Variants in PIEZO2 observed in about 807,000 individuals in gnomAD.
PIEZO2 encodes piezo type mechanosensitive ion channel component 2.
In PIEZO2, 172 loss-of-function variants were observed where a neutral mutation model predicts 337.3. The observed-to-expected ratio is 0.51, with a 90% CI of 0.45 to 0.58. The LOEUF (loss-of-function observed/expected upper bound fraction) is 0.58, where lower values mean the gene tolerates loss of function less well. Ranked by LOEUF, PIEZO2 falls within the 20% of genes least tolerant of loss-of-function variation. The probability of loss-of-function intolerance (pLI) is 0.00; values close to 1 mark genes in which losing one functional copy is unlikely to be tolerated. For synonymous variants in PIEZO2, 1,251 were observed against 1,228.5 expected (o/e 1.02, Z -0.38); for missense variants, 3,028 against 3,391.3 (o/e 0.89, Z 2.66).
intron 1 of PIEZO2, among the ~76,000 whole-genome samples, chr18:11,113,885 A>G (rs1450434241): frequency 1.3e-5 from 2 of 152,208 alleles, no homozygotes; most frequent in East Asian, 1.9e-4. Flanking sequence ...ATCCTTTCAG[A>G]TGTAATTTTT....
At chr18:11,063,273 G>A (rs1207590985) in intron 2 of PIEZO2, among the ~76,000 whole-genome samples, 13 of 129,098 alleles carry the variant, frequency 1.0e-4, no homozygotes, top group Non-Finnish European at 1.2e-4. Flanking sequence ...ACACACCGGG[G>A]CCTGTTGTGG....
chr18:10,707,994 G>A lies in PIEZO2; in HGVS notation c.5588+281C>T, dbSNP rs964674056. ...ATGCTTATGTCTCTGAAAATGGAAA[G>A]TTTGAAATACTGAAAACATGGAGGA... On this transcript the variant is annotated intron_variant, in intron 40 of 55. Transcript: ENST00000674853. The surrounding 1 kb of genome is among the most constrained non-coding windows in gnomAD (Gnocchi z 4.2). Among the ~76,000 whole-genome samples, 2 of 152,118 alleles carry A rather than the reference G, an allele frequency of 1.3e-5. No individual in the cohort carries two copies. Among genetic ancestry groups the A allele is most frequent in the Non-Finnish European group, 2.9e-5 (2 of 68,014 alleles).
chr18:11,135,794 C>A (rs1298047304), intron 1 of PIEZO2, among the ~76,000 whole-genome samples: 1 of 152,168 alleles, frequency 6.6e-6, no homozygotes, highest in Non-Finnish European at 1.5e-5. Context: ...GATCCGCCCA[C>A]CTAGGCCTGC....
rs1440989212 is a variant in PIEZO2 at position 10,833,148 on chromosome 18, A to G, written c.917+22205T>C. ...TGGCTTTTCCTGGCAGAGAGGCAGCAACACCCAAGGAACACAGTGGCAGGA... is the reference window on the plus strand; with the variant it reads ...TGGCTTTTCCTGGCAGAGAGGCAGCGACACCCAAGGAACACAGTGGCAGGA... On this transcript the variant is annotated intron_variant, in intron 7 of 55. Transcript: ENST00000674853. This position sits in a 1 kb window ranked among gnomAD's most constrained non-coding sequence, Gnocchi z 4.7. 6.6e-6 allele frequency among the ~76,000 whole-genome samples: 1 copy of G among 152,154 alleles called. No individual in the cohort carries two copies. The highest frequency in any genetic ancestry group is 1.5e-5 in the Non-Finnish European group (1 of 68,014).
intron 1 of PIEZO2, among the ~76,000 whole-genome samples, chr18:11,141,736 G>A (rs975108794): frequency 3.3e-5 from 5 of 152,156 alleles, no homozygotes; most frequent in East Asian, 1.9e-4. Flanking sequence ...AGGATGCTTG[G>A]TGTTGACCAA....
chr18:10,756,302 G>C (rs1425692452), intron 27 of PIEZO2, among the ~76,000 whole-genome samples: 1 of 151,618 alleles, frequency 6.6e-6, no homozygotes, highest in Non-Finnish European at 1.5e-5. Flanking sequence ...GGATGAGAAG[G>C]AGAAATGGAG....
At position 11,132,386 on chromosome 18, in the gene PIEZO2, C is replaced by G. The variant is rs528924676; in HGVS notation, c.64+16139G>C. ...TTCTGAAGCAGGTGGATTGATAGAA[C>G]GGTGGAATGGCCTTTTGAAGTCACA... On this transcript the variant is annotated intron_variant, in intron 1 of 55. Coordinates refer to ENST00000674853, the MANE Select transcript of PIEZO2 (RefSeq NM_001378183.1). This position sits in a 1 kb window ranked among gnomAD's most constrained non-coding sequence, Gnocchi z 4.7. Among the ~76,000 whole-genome samples, 1 of 152,048 alleles carries G rather than the reference C, an allele frequency of 6.6e-6. No individual in the cohort carries two copies. The highest frequency in any genetic ancestry group is 2.4e-5 in the African/African-American group (1 of 41,386).
rs141769258 is a variant in PIEZO2 at position 10,964,336 on chromosome 18, A to T, written c.286+15199T>A. On this transcript the variant is annotated intron_variant, in intron 3 of 55. Transcript: ENST00000674853. ...AGGGACAATGGATTATAATATTTTTAAAAACTCAATGTAGTAACAATTAAC... is the reference window on the plus strand; with the variant it reads ...AGGGACAATGGATTATAATATTTTTTAAAACTCAATGTAGTAACAATTAAC... Among the ~76,000 whole-genome samples, 328 of 152,316 alleles carry T rather than the reference A, an allele frequency of 2.2e-3. 1 individual carries two copies. Among genetic ancestry groups the T allele is most frequent in the African/African-American group, 7.4e-3 (307 of 41,580 alleles).
rs1223061025 is a variant in PIEZO2 at position 10,673,641 on chromosome 18, A to G, written c.8162-768T>C. 6.6e-6 allele frequency among the ~76,000 whole-genome samples: 1 copy of G among 152,220 alleles called. No homozygotes were observed. The highest frequency in any genetic ancestry group is 1.5e-5 in the Non-Finnish European group (1 of 68,038). Reference sequence around the variant, plus strand: ...GGTGAATGCAAAAGAGTTGTAAAAGATAGGGTAAAAAGCTTGTAGTGACAT... The same window carrying G: ...GGTGAATGCAAAAGAGTTGTAAAAGGTAGGGTAAAAAGCTTGTAGTGACAT... On this transcript the variant is annotated intron_variant, in intron 54 of 55. Transcript: ENST00000674853. This position sits in a 1 kb window ranked among gnomAD's most constrained non-coding sequence, Gnocchi z 4.8.
chr18:11,139,358 A>G (rs757249040), intron 1 of PIEZO2, among the ~76,000 whole-genome samples: 27 of 152,300 alleles, frequency 1.8e-4, no homozygotes, highest in East Asian at 7.7e-4. Flanking sequence ...CAAATAAAAG[A>G]AGGAGGAAGA....
intron 36 of PIEZO2, among the ~76,000 whole-genome samples, chr18:10,730,550 AT>A (rs59905139): frequency 1.3e-5 from 2 of 151,790 alleles, no homozygotes; most frequent in East Asian, 1.9e-4. Flanking sequence ...TTCGCTTTTG[AT>A]TTTTTTATTA....
At chr18:10,831,383 G>A (rs1020946792) in intron 7 of PIEZO2, among the ~76,000 whole-genome samples, 6 of 152,148 alleles carry the variant, frequency 3.9e-5, no homozygotes, top group African/African-American at 1.4e-4. Context: ...CAACATGGAT[G>A]GAACTGGAGG....
chr18:11,029,325 A>G (rs1436571693), intron 2 of PIEZO2, among the ~76,000 whole-genome samples: 1 of 152,056 alleles, frequency 6.6e-6, no homozygotes, highest in Non-Finnish European at 1.5e-5. Context: ...CTTTTCCTTA[A>G]TTTCTCCCAG....
At chr18:10,736,937 T>C (rs2037022172) in intron 33 of PIEZO2, among the ~76,000 whole-genome samples, 1 of 151,756 alleles carries the variant, frequency 6.6e-6, no homozygotes, top group Admixed American at 6.6e-5. Flanking sequence ...CTTTGCCATG[T>C]AAGAGAACTG....
Position 10,671,657 on chromosome 18 carries a change from A to G in PIEZO2, c.8468T>C (p.Leu2823Ser), listed in dbSNP as rs1209648569. The G allele has an allele frequency of 6.2e-7, 1 of 1,614,110 alleles. No homozygotes were observed. Among genetic ancestry groups the G allele is most frequent in the South Asian group, 1.1e-5 (1 of 91,086 alleles). The change falls in exon 56 of 56, where the codon TTG becomes TCG. Residue 2823 changes from leucine (L) to serine (S), a missense_variant. By Grantham distance (145) the Leu-to-Ser change is moderately radical. Transcript: ENST00000674853. ...ELPNVDRILK[L>S]CTDIFLVRET... Reference sequence around the variant, plus strand: ...TCGAACTAAAAAAATATCTGTGCACAACTTCAAAATTCGATCCACATTTGG... The same window carrying G: ...TCGAACTAAAAAAATATCTGTGCACGACTTCAAAATTCGATCCACATTTGG...
chr18:10,778,388 A>G (rs2038863810), intron 18 of PIEZO2, among the ~76,000 whole-genome samples: 1 of 140,980 alleles, frequency 7.1e-6, no homozygotes, highest in South Asian at 2.2e-4. Flanking sequence ...GCTGGAGTGC[A>G]GTGGCACCAT....
intron 33 of PIEZO2, chr18:10,737,728 G>A (rs762797556): frequency 2.0e-5 from 3 of 152,194 alleles, no homozygotes; most frequent in Non-Finnish European, 4.4e-5. Flanking sequence ...GTCTACCAGA[G>A]AAAAGAGGCC....
rs755279828 is a variant in PIEZO2, at chr18:10,681,750, T to C, written c.7690A>G (p.Ile2564Val). The change falls in exon 51 of 56, where the codon ATT becomes GTT. Residue 2564 changes from isoleucine (I) to valine (V), a missense_variant. Physicochemically the swap from Ile to Val is conservative, Grantham distance 29. This residue lies in a region of PIEZO2 where 332 missense variants were observed against 363.8 expected (regional missense o/e 0.91). Transcript: ENST00000674853. ...CTTTGTTGGGCACTCATTGTGAAAA[T>C]AGGCTGGAAAACAAAGAGAACAGTG... is the stretch of plus-strand genomic sequence containing the variant. The part of the protein sequence containing the change: ...VTITLGGYQP[I>V]FTMSAQQSQL... 3.7e-6 allele frequency: 6 copies of C among 1,606,020 alleles called. No individual in the cohort carries two copies. Among genetic ancestry groups the C allele is most frequent in the Admixed American group, 1.7e-5 (1 of 59,966 alleles).
chr18:10,874,050 A>T (rs1040128534), intron 4 of PIEZO2, among the ~76,000 whole-genome samples: 2 of 152,206 alleles, frequency 1.3e-5, no homozygotes, highest in Admixed American at 1.3e-4. Flanking sequence ...TAATTGGAAA[A>T]AATATTTGCA....
Sources: allele counts gnomAD v4.1 joint callset (sites outside exome capture counted in the v4.1 genomes callset), GRCh38; gene constraint gnomAD v4.1.1; regional missense constraint gnomAD v4.1.1; non-coding constraint Gnocchi (gnomAD v3.1); transcripts MANE v1.5; gene names NCBI Gene and HGNC (gene_info 2026-07-23, HGNC 2026-07-21).